Variants in ADPRHL1 observed in about 807,000 individuals in gnomAD.
ADPRHL1 encodes ADP-ribosylhydrolase like 1.
Under a neutral mutation model 44.1 loss-of-function variants are expected in ADPRHL1, and 43 were observed. That is an observed-to-expected ratio of 0.98 (90% CI 0.76 to 1.26). ADPRHL1 has a LOEUF of 1.26. Ranked by LOEUF, ADPRHL1 falls within the 50% of genes most tolerant of loss-of-function variation. The pLI is 0.00. For missense variants in ADPRHL1, 2,022 were observed against 2,496.9 expected (o/e 0.81, Z 4.05); for synonymous variants, 878 against 1,017.4 (o/e 0.86, Z 2.61).
At chr13:113,425,252 TGGGGAGGGTG>T in intron 4 of ADPRHL1, 73 bp from the exon 5 acceptor site, 1 of 6,358 alleles carries the variant, frequency 1.6e-4, no homozygotes, top group Non-Finnish European at 2.8e-4. Context: ...GAGTTGGGGG[TGGGGAGGGTG>T]GGGGCGTGTG....
chr13:113,424,739 C>CCAT (rs2043953051), intron 5 of ADPRHL1, among the ~76,000 whole-genome samples: 2 of 42,554 alleles, frequency 4.7e-5, no homozygotes, highest in African/African-American at 8.6e-5. Flanking sequence ...CATCCATTCA[C>CCAT]CCACGCTTCT....
intron 2 of ADPRHL1, among the ~76,000 whole-genome samples, chr13:113,435,239 GA>G: frequency 2.5e-4 from 5 of 19,740 alleles, no homozygotes; most frequent in Admixed American, 7.4e-4. Flanking sequence ...CCCAGGTGTA[GA>G]GTGAACACAG....
chr13:113,451,024 G>A (rs1030329655), intron 1 of ADPRHL1, among the ~76,000 whole-genome samples: 4 of 150,236 alleles, frequency 2.7e-5, no homozygotes, highest in Non-Finnish European at 5.9e-5. Context: ...GCTGGACCAC[G>A]ATCCGCCTGG....
rs146245500 is a variant in ADPRHL1, at chr13:113,417,399, T to A, written c.1061+5427A>T. Among the ~76,000 whole-genome samples, 1,219 of 152,360 alleles carry A rather than the reference T, an allele frequency of 8.0e-3. 18 individuals are homozygous for A. The highest frequency in any genetic ancestry group is 0.027 in the African/African-American group (1,114 of 41,584). ...TGCTGCCCACAGGGCCACACGATGG[T>A]TCAGACCCTGGGGACCGCCCCTGTG... On this transcript the variant is annotated intron_variant, in intron 7 of 7. Transcript: ENST00000612156.
Position 113,441,735 on chromosome 13 carries a change from C to T in ADPRHL1, c.379+2690G>A, listed in dbSNP as rs1405304672. Among the ~76,000 whole-genome samples the T allele has an allele frequency of 6.6e-6, 1 of 152,208 alleles. No individual in the cohort carries two copies. Among genetic ancestry groups the T allele is most frequent in the East Asian group, 1.9e-4 (1 of 5,200 alleles). ...GTCCATGTCTCTATCATGCCATGTC[C>T]CGCCACTTGGGTCCGTGTCTCTATC... On this transcript the variant is annotated intron_variant, in intron 2 of 7. Transcript: ENST00000612156. This position sits in a 1 kb window ranked among gnomAD's most constrained non-coding sequence, Gnocchi z 6.0.
intron 4 of ADPRHL1, among the ~76,000 whole-genome samples, chr13:113,428,358 C>A (rs1302706849): frequency 6.6e-6 from 1 of 152,168 alleles, no homozygotes; most frequent in East Asian, 1.9e-4. Context: ...ACACTGGATA[C>A]GTTATTTCCA....
Position 113,402,113 on chromosome 13 carries a change from A to G in ADPRHL1, c.*1265T>C, listed in dbSNP as rs1433033186. 6.6e-6 allele frequency: 1 copy of G among 152,292 alleles called. No homozygotes were observed. The highest frequency in any genetic ancestry group is 1.5e-5 in the Non-Finnish European group (1 of 68,068). The allele number at this position is 152,292 out of a possible 1,614,324, so 9.4% of individuals were successfully genotyped here. ...AACTTTCCACAGGGAGGGCACCACCAAAAACAAGGGTGCGGGGCTGTAGGG... is the reference window on the plus strand; with the variant it reads ...AACTTTCCACAGGGAGGGCACCACCGAAAACAAGGGTGCGGGGCTGTAGGG... On this transcript the variant is annotated 3_prime_UTR_variant, in exon 8 of 8. Transcript: ENST00000612156.
chr13:113,428,920 G>A (rs776760378), intron 4 of ADPRHL1, 32 bp downstream of exon 4: 17 of 1,610,726 alleles, frequency 1.1e-5, no homozygotes, highest in Non-Finnish European at 1.4e-5. Context: ...GATCTGCTCT[G>A]AGTGCGGACT....
chr13:113,422,770 A>G (rs1042748043), intron 7 of ADPRHL1, 56 bp downstream of exon 7: 58 of 1,603,842 alleles, frequency 3.6e-5, no homozygotes, highest in East Asian at 2.2e-5. Flanking sequence ...AGAGGGCCCT[A>G]CGGGCCCCGG....
intron 7 of ADPRHL1, among the ~76,000 whole-genome samples, chr13:113,410,429 C>A (rs1242847431): frequency 6.6e-6 from 1 of 152,206 alleles, no homozygotes; most frequent in Non-Finnish European, 1.5e-5. Flanking sequence ...CCACTCGGAA[C>A]CACTGAGGCA....
rs1360108036 is a variant in ADPRHL1 at position 113,405,578 on chromosome 13, G to T, written c.3704C>A (p.Ala1235Asp). Residue 1235 changes from alanine to aspartate, a missense_variant, in exon 8 of 8, where the codon GCC (alanine) becomes GAC (aspartate). Around this residue, in one of 8 missense-constraint regions of ADPRHL1, gnomAD observed 1,221 missense variants for 1,517.8 expected, o/e 0.80. Transcript: ENST00000612156. ...TCCTACAGCTGCTGTATGTCTGCTG[G>T]CTGCTGATGTGTTTGAAATGTATAA... ...ARLYISNTSA[A>D]SRHTAAVGGR... is the part of the protein sequence containing the mutation. 1 of 1,232,052 alleles carries T rather than the reference G, an allele frequency of 8.1e-7. No homozygotes were observed. The highest frequency in any genetic ancestry group is 1.0e-6 in the Non-Finnish European group (1 of 988,188). 76.3% of individuals were successfully genotyped at this position (1,232,052 alleles called of 1,614,324 possible).
intron 1 of ADPRHL1, among the ~76,000 whole-genome samples, chr13:113,445,537 T>C (rs1339312519): frequency 6.6e-6 from 1 of 152,128 alleles, no homozygotes; most frequent in African/African-American, 2.4e-5. Context: ...AACTGCACTC[T>C]GGGCTTGCGG....
rs1011283156 is a variant in ADPRHL1 at position 113,407,297 on chromosome 13, G to A, written c.1985C>T (p.Thr662Met). 60 of 1,231,872 alleles carry A rather than the reference G, an allele frequency of 4.9e-5. No individual in the cohort carries two copies. The highest frequency in any genetic ancestry group is 3.7e-4 in the South Asian group (9 of 24,320). 76.3% of individuals were successfully genotyped at this position (1,231,872 alleles called of 1,614,324 possible). ...EASVPPSARE[T>M]GPSGNKAVGK... Reference sequence around the variant, plus strand: ...CACTGCTTTGTTCCCACTGGGCCCCGTCTCCCTGGCACTAGGGGGCACGCT... The same window carrying A: ...CACTGCTTTGTTCCCACTGGGCCCCATCTCCCTGGCACTAGGGGGCACGCT... Residue 662 changes from threonine (T) to methionine (M), a missense_variant, in exon 8 of 8, where the codon ACG (threonine) becomes ATG (methionine). Around this residue, in one of 8 missense-constraint regions of ADPRHL1, gnomAD observed 1,221 missense variants for 1,517.8 expected, o/e 0.80. Transcript: ENST00000612156.
chr13:113,434,922 C>A (rs1440547523), intron 2 of ADPRHL1, among the ~76,000 whole-genome samples: 1 of 127,276 alleles, frequency 7.9e-6, no homozygotes, highest in Non-Finnish European at 1.7e-5. Context: ...TAGGTGTACC[C>A]CGGGACCCGG....
chr13:113,429,185 A>G (rs2043989781), intron 3 of ADPRHL1, 93 bp from the exon 4 acceptor site: 7 of 1,503,690 alleles, frequency 4.7e-6, no homozygotes, highest in Non-Finnish European at 5.4e-6. Context: ...CTCCCGAGGA[A>G]GGGTTTGCTC....
At chr13:113,445,473 G>A (rs943577166) in intron 1 of ADPRHL1, among the ~76,000 whole-genome samples, 4 of 152,246 alleles carry the variant, frequency 2.6e-5, no homozygotes, top group Admixed American at 1.3e-4. Context: ...CGGCGAGGGC[G>A]CCCCTCCCAA....
intron 7 of ADPRHL1, among the ~76,000 whole-genome samples, chr13:113,411,148 T>G (rs950205719): frequency 1.3e-5 from 2 of 152,238 alleles, no homozygotes; most frequent in African/African-American, 4.8e-5. Context: ...TGATGGCTTC[T>G]GAGCCCCACC....
At position 113,405,188 on chromosome 13, in the gene ADPRHL1, C is replaced by A. The variant is rs2139592621; in HGVS notation, c.4094G>T (p.Gly1365Val). Residue 1365 changes from glycine to valine, a missense_variant, in exon 8 of 8, where the codon GGT becomes GTT. Gly to Val is a moderately radical substitution (Grantham distance 109). Around this residue, in one of 8 missense-constraint regions of ADPRHL1, gnomAD observed 1,221 missense variants for 1,517.8 expected, o/e 0.80. Transcript: ENST00000612156. ...ASVPEPRTQAGESQERPLTQA... is the reference protein window; with the variant it reads ...ASVPEPRTQAVESQERPLTQA... The stretch of plus-strand genomic sequence containing the variant: ...TGTCAGGGGACGCTCCTGGGATTCA[C>A]CTGCCTGCGTCCTAGGCTCGGGGAC... 1 of 1,231,934 alleles carries A rather than the reference C, an allele frequency of 8.1e-7. No homozygotes were observed. The highest frequency in any genetic ancestry group is 4.1e-5 in the South Asian group (1 of 24,330). The allele number at this position is 1,231,934 out of a possible 1,614,324, so 76.3% of individuals were successfully genotyped here. A position where few individuals can be genotyped will look rare whatever the true frequency, so the allele number is the denominator to read the frequency against.
At chr13:113,437,407 C>A (rs1169592908) in intron 2 of ADPRHL1, among the ~76,000 whole-genome samples, 1 of 152,076 alleles carries the variant, frequency 6.6e-6, no homozygotes, top group African/African-American at 2.4e-5. Context: ...ACCCCGGGAC[C>A]CAGCACCCAG....
Sources: allele counts gnomAD v4.1 joint callset (sites outside exome capture counted in the v4.1 genomes callset), GRCh38; gene constraint gnomAD v4.1.1; regional missense constraint gnomAD v4.1.1; non-coding constraint Gnocchi (gnomAD v3.1); transcripts MANE v1.5; gene names NCBI Gene and HGNC (gene_info 2026-07-23, HGNC 2026-07-21).